Variants in DCC observed in about 807,000 individuals in gnomAD.
DCC encodes the protein netrin receptor DCC.
Under a neutral mutation model 172.5 loss-of-function variants are expected in DCC, and 58 were observed. The ratio of observed to expected loss-of-function variants is 0.34; its 90% CI spans 0.27 to 0.42. DCC has a LOEUF of 0.42. Ranked by LOEUF, DCC falls within the 10% of genes least tolerant of loss-of-function variation. The pLI, the probability that DCC is intolerant of heterozygous loss-of-function variation, is 1.00. For synonymous variants in DCC, 709 were observed against 644.5 expected, an observed-to-expected ratio of 1.10 and a Z score of -1.52; for missense variants, 1,740 against 1,791.0, an observed-to-expected ratio of 0.97 and a Z score of 0.51.
At chr18:53,373,443 A>C (rs1193478710) in intron 15 of DCC, among the ~76,000 whole-genome samples, 1 of 152,170 alleles carries the variant, frequency 6.6e-6, no homozygotes, top group Non-Finnish European at 1.5e-5. Flanking sequence ...GATTTTCTTG[A>C]GAACTTTGGC....
rs550739457 is a variant in DCC at position 52,600,055 on chromosome 18, T to G, written c.92-151999T>G. Among the ~76,000 whole-genome samples the G allele has an allele frequency of 1.1e-4, 16 of 152,342 alleles. No homozygotes were observed. In the South Asian group the frequency reaches 3.1e-3, roughly 30 times the overall value. On this transcript the variant is annotated intron_variant, in intron 1 of 28. Transcript: ENST00000442544. ...AATGAGTTTTGCTTTATTTCTGCCT[T>G]GTTTATGAAATCCTTTTCTTTCAAA... is the stretch of plus-strand genomic sequence containing the variant.
chr18:53,521,236 C>G (rs10502979), intron 27 of DCC, among the ~76,000 whole-genome samples: 49,756 of 152,008 alleles, frequency 0.33, 10,371 homozygotes, highest in Non-Finnish European at 0.48. Flanking sequence ...GTTCAACACT[C>G]ACTACATTTT....
chr18:53,334,317 C>A (rs1459491526), intron 14 of DCC, among the ~76,000 whole-genome samples: 1 of 152,206 alleles, frequency 6.6e-6, no homozygotes, highest in African/African-American at 2.4e-5. Flanking sequence ...TAGAATAAAA[C>A]CTAACTTCTT....
intron 1 of DCC, among the ~76,000 whole-genome samples, chr18:52,690,386 T>C (rs531828334): frequency 3.3e-5 from 5 of 152,114 alleles, no homozygotes; most frequent in Non-Finnish European, 7.4e-5. Context: ...AGAGGTGACA[T>C]TTGAGTTAGG....
chr18:53,104,427 G>T (rs1354741960), intron 7 of DCC, among the ~76,000 whole-genome samples: 1 of 151,942 alleles, frequency 6.6e-6, no homozygotes, highest in Non-Finnish European at 1.5e-5. Flanking sequence ...CTCTCTCTTT[G>T]CCTACTGCCA....
intron 12 of DCC, among the ~76,000 whole-genome samples, chr18:53,230,206 T>G (rs1287598178): frequency 3.3e-5 from 5 of 152,134 alleles, no homozygotes; most frequent in Non-Finnish European, 7.4e-5. Flanking sequence ...TTTGGCAAAT[T>G]TAATTATAGA....
intron 1 of DCC, among the ~76,000 whole-genome samples, chr18:52,691,049 T>C (rs117670360): frequency 0.02 from 3,083 of 152,244 alleles, 51 homozygotes; most frequent in Middle Eastern, 0.065. Flanking sequence ...CAATGAGAAA[T>C]GTCACTGCCA....
At chr18:52,573,062 C>T (rs1030428772) in intron 1 of DCC, among the ~76,000 whole-genome samples, 100 of 152,202 alleles carry the variant, frequency 6.6e-4, no homozygotes, top group African/African-American at 2.3e-3. Flanking sequence ...ATAGAAACAC[C>T]TTTGCATTGT....
Position 52,742,857 on chromosome 18 carries a change from A to G in DCC, c.92-9197A>G, listed in dbSNP as rs538864037. The stretch of plus-strand genomic sequence containing the variant: ...AAGGATCCTGAAAATAACAAGTATC[A>G]AATTTGAATATAAAATATGATCACA... On this transcript the variant is annotated intron_variant, in intron 1 of 28. Transcript: ENST00000442544. Among the ~76,000 whole-genome samples the G allele has an allele frequency of 2.0e-5, 3 of 152,318 alleles. No homozygotes were observed. The South Asian group carries it at 6.2e-4, about 32-fold the overall frequency.
chr18:53,090,942 C>T (rs2042998632), intron 7 of DCC, among the ~76,000 whole-genome samples: 1 of 151,746 alleles, frequency 6.6e-6, no homozygotes, highest in South Asian at 2.1e-4. Flanking sequence ...CCTGGGGTTC[C>T]TGAGTGTCTC....
At chr18:52,820,432 G>C (rs1055800958) in intron 2 of DCC, among the ~76,000 whole-genome samples, 1 of 150,870 alleles carries the variant, frequency 6.6e-6, no homozygotes, top group South Asian at 2.2e-4. Flanking sequence ...TAAAAAAGAA[G>C]ACTCCAAATG....
chr18:53,384,368 TAAAAC>T (rs1274720129), intron 15 of DCC, among the ~76,000 whole-genome samples: 4 of 152,244 alleles, frequency 2.6e-5, no homozygotes, highest in Admixed American at 6.5e-5. Flanking sequence ...TCTGGATGCC[TAAAAC>T]ATTATTTTAA....
intron 2 of DCC, among the ~76,000 whole-genome samples, chr18:52,892,072 A>G (rs1184288825): frequency 6.6e-6 from 1 of 152,052 alleles, no homozygotes; most frequent in Admixed American, 6.6e-5. Context: ...GCCCCAGGTT[A>G]ATCTTTTGCC....
chr18:52,797,601 A>G (rs1413216137), intron 2 of DCC, among the ~76,000 whole-genome samples: 1 of 152,208 alleles, frequency 6.6e-6, no homozygotes, highest in Non-Finnish European at 1.5e-5. Context: ...GGGGGTGGGA[A>G]CATCAGCTGG....
chr18:53,146,595 G>A (rs1238857790), intron 7 of DCC, among the ~76,000 whole-genome samples: 1 of 152,078 alleles, frequency 6.6e-6, no homozygotes, highest in Admixed American at 6.5e-5. Flanking sequence ...AGGGTAGAGG[G>A]ACAAAAACAC....
intron 1 of DCC, among the ~76,000 whole-genome samples, chr18:52,676,900 G>A (rs113226580): frequency 6.6e-6 from 1 of 152,056 alleles, no homozygotes; most frequent in Non-Finnish European, 1.5e-5. Flanking sequence ...ATCACTTGGG[G>A]GTTATAAATT....
chr18:53,444,166 A>G (rs1912451802), intron 22 of DCC, among the ~76,000 whole-genome samples: 1 of 152,246 alleles, frequency 6.6e-6, no homozygotes, highest in Non-Finnish European at 1.5e-5. Flanking sequence ...AATGCTATCA[A>G]ATACATCCCA....
intron 11 of DCC, among the ~76,000 whole-genome samples, chr18:53,208,109 T>G (rs1056062679): frequency 1.3e-5 from 2 of 150,872 alleles, no homozygotes; most frequent in African/African-American, 2.4e-5. Flanking sequence ...GTAAATGTTT[T>G]TTTTTTTTTT....
intron 1 of DCC, among the ~76,000 whole-genome samples, chr18:52,742,117 C>G (rs1399582269): frequency 6.6e-6 from 1 of 152,188 alleles, no homozygotes; most frequent in Non-Finnish European, 1.5e-5. Context: ...GAGAATGGGA[C>G]CTGCCTTGCT....
Sources: allele counts gnomAD v4.1 joint callset (sites outside exome capture counted in the v4.1 genomes callset), GRCh38; gene constraint gnomAD v4.1.1; transcripts MANE v1.5; gene names NCBI Gene and HGNC (gene_info 2026-07-23, HGNC 2026-07-21).